RABEP1: variants seen among roughly 807,000 people sequenced by gnomAD.
The protein encoded by RABEP1 is rab GTPase-binding effector protein 1.
Under a neutral mutation model 123.4 loss-of-function variants are expected in RABEP1, and 51 were observed. That is an observed-to-expected ratio of 0.41 (90% CI 0.33 to 0.52). The LOEUF (loss-of-function observed/expected upper bound fraction) is 0.52, where lower values mean the gene tolerates loss of function less well. Ranked by LOEUF, RABEP1 falls within the 20% of genes least tolerant of loss-of-function variation. The pLI is 0.16. For synonymous variants in RABEP1, 347 were observed against 355.2 expected (o/e 0.98, Z 0.26); for missense variants, 888 against 996.3 (o/e 0.89, Z 1.46).
intron 13 of RABEP1, 54 bp from the exon 14 acceptor site, chr17:5,377,062 C>T: frequency 6.6e-7 from 1 of 1,507,242 alleles, no homozygotes; most frequent in East Asian, 2.4e-5. Flanking sequence ...TCTTTAGCTT[C>T]TTTATTTCCT....
At chr17:5,314,366 C>G (rs2075275231) in intron 2 of RABEP1, among the ~76,000 whole-genome samples, 1 of 150,436 alleles carries the variant, frequency 6.6e-6, no homozygotes, top group Admixed American at 6.7e-5. Context: ...CCTTAGCCTC[C>G]TAAGTAGCTG....
intron 8 of RABEP1, among the ~76,000 whole-genome samples, chr17:5,359,821 A>G (rs910782403): frequency 6.6e-6 from 1 of 152,236 alleles, no homozygotes; most frequent in African/African-American, 2.4e-5. Context: ...ATTTAAATGG[A>G]ATAAATTTAG....
intron 17 of RABEP1, among the ~76,000 whole-genome samples, chr17:5,382,614 T>C (rs1269037573): frequency 3.3e-5 from 5 of 151,872 alleles, no homozygotes; most frequent in Non-Finnish European, 5.9e-5. Flanking sequence ...TAGCCGGGCA[T>C]GGTGGCGTGT....
chr17:5,344,149 T>C (rs1907864268), intron 5 of RABEP1, among the ~76,000 whole-genome samples: 1 of 152,096 alleles, frequency 6.6e-6, no homozygotes, highest in South Asian at 2.1e-4. Flanking sequence ...AATATTAATA[T>C]CCAAAATAAT....
At chr17:5,338,581 TAAATTTAAATGCAAA>T (rs1401499726) in intron 5 of RABEP1, among the ~76,000 whole-genome samples, 4 of 152,142 alleles carry the variant, frequency 2.6e-5, no homozygotes, top group Non-Finnish European at 5.9e-5. Context: ...TAATAAAAAA[TAAATTTAAATGCAAA>T]AAACTGCTTT....
chr17:5,380,915 G>A (rs538617472), intron 16 of RABEP1, among the ~76,000 whole-genome samples: 1 of 152,226 alleles, frequency 6.6e-6, no homozygotes, highest in Non-Finnish European at 1.5e-5. Context: ...TGAAAGTGCA[G>A]ACAGTGTTGC....
At chr17:5,337,355 T>C (rs1402013258) in intron 4 of RABEP1, among the ~76,000 whole-genome samples, 1 of 152,190 alleles carries the variant, frequency 6.6e-6, no homozygotes, top group Non-Finnish European at 1.5e-5. Flanking sequence ...TAAGAAATTA[T>C]TGTCTCATGA....
In RABEP1 at chr17:5,372,759, A is replaced by AT. The variant is rs56024470; in HGVS notation, c.1885-540dup. Among the ~76,000 whole-genome samples, 539 of 146,568 alleles carry AT rather than the reference A, an allele frequency of 3.7e-3. 2 individuals are homozygous for AT. Among genetic ancestry groups the AT allele is most frequent in the Middle Eastern group, 7.0e-3 (2 of 286 alleles). On this transcript the variant is annotated intron_variant, in intron 12 of 17. Coordinates refer to ENST00000537505, the MANE Select transcript of RABEP1 (RefSeq NM_004703.6). ...ACAGGGATATGGAGGGAAAATATTA[A>AT]TTTTTTTTTTTTTTTGAGATGGAGT...
At chr17:5,310,917 C>G (rs1331543939) in intron 2 of RABEP1, among the ~76,000 whole-genome samples, 2 of 151,122 alleles carry the variant, frequency 1.3e-5, no homozygotes, top group African/African-American at 4.9e-5. Context: ...TCAAGCGACT[C>G]TTGTGCCTTA....
intron 1 of RABEP1, among the ~76,000 whole-genome samples, chr17:5,292,745 G>A (rs1236474508): frequency 1.3e-5 from 2 of 152,080 alleles, no homozygotes; most frequent in Non-Finnish European, 2.9e-5. Flanking sequence ...GGCATGGTGC[G>A]ATCTTGCCCG....
intron 6 of RABEP1, among the ~76,000 whole-genome samples, chr17:5,349,879 A>G (rs933120835): frequency 2.6e-5 from 4 of 152,196 alleles, no homozygotes; most frequent in African/African-American, 9.6e-5. Flanking sequence ...AATAACAATA[A>G]TAATAAATTT....
intron 2 of RABEP1, among the ~76,000 whole-genome samples, chr17:5,314,676 G>A (rs1464437731): frequency 2.0e-5 from 3 of 151,932 alleles, no homozygotes; most frequent in African/African-American, 4.8e-5. Flanking sequence ...CCGCCACCAC[G>A]CCTGGCTAAT....
intron 1 of RABEP1, among the ~76,000 whole-genome samples, chr17:5,301,355 G>A (rs901883063): frequency 2.0e-5 from 3 of 152,106 alleles, no homozygotes; most frequent in African/African-American, 7.2e-5. Context: ...GGAGATTGGG[G>A]ATTTGTATTT....
In RABEP1 at chr17:5,385,776, G is replaced by C. The variant is rs1911907325; in HGVS notation, c.*2553G>C. 1 of 234,734 alleles carries C rather than the reference G, an allele frequency of 4.3e-6. No homozygotes were observed. Among genetic ancestry groups the C allele is most frequent in the South Asian group, 1.8e-4 (1 of 5,562 alleles). 14.5% of individuals were successfully genotyped at this position (234,734 alleles called of 1,614,324 possible). A position where few individuals can be genotyped will look rare whatever the true frequency, so the allele number is the denominator to read the frequency against. ...TGTACTGAAGGTGTGTCCTCAAGAA[G>C]AAAGTGTTCAAATTAAAAAAGCTGC... On this transcript the variant is annotated 3_prime_UTR_variant, in exon 18 of 18. Coordinates refer to ENST00000537505, the MANE Select transcript of RABEP1 (RefSeq NM_004703.6).
At chr17:5,291,891 C>T (rs562566351) in intron 1 of RABEP1, among the ~76,000 whole-genome samples, 1 of 152,236 alleles carries the variant, frequency 6.6e-6, no homozygotes. Flanking sequence ...GGGGAAAGAG[C>T]GATACTCTGT....
chr17:5,338,287 C>T (rs1456102467), intron 5 of RABEP1, 149 bp downstream of exon 5: 16 of 1,026,360 alleles, frequency 1.6e-5, no homozygotes, highest in East Asian at 6.7e-5. Flanking sequence ...AACTGCCGGG[C>T]GAGGTGGCTC....
intron 1 of RABEP1, among the ~76,000 whole-genome samples, chr17:5,308,382 C>T (rs1431296269): frequency 6.6e-6 from 1 of 152,108 alleles, no homozygotes; most frequent in Admixed American, 6.6e-5. Context: ...CCTGCCACTA[C>T]ACCTGGCTAA....
chr17:5,374,334 C>T (rs191641138), intron 13 of RABEP1, among the ~76,000 whole-genome samples: 73 of 152,080 alleles, frequency 4.8e-4, no homozygotes, highest in Non-Finnish European at 8.2e-4. Flanking sequence ...AAAGATGGCA[C>T]TTTTGGTCAC....
At position 5,383,556 on chromosome 17, in the gene RABEP1, C is replaced by T. The variant is rs3026117; in HGVS notation, c.*333C>T. ...CGGAACACATTTCCCTACCCTAAAGCGACATCCCAGTAGTGTTTGGAATTT... is the reference window on the plus strand; with the variant it reads ...CGGAACACATTTCCCTACCCTAAAGTGACATCCCAGTAGTGTTTGGAATTT... On this transcript the variant is annotated 3_prime_UTR_variant, in exon 18 of 18. Coordinates refer to ENST00000537505, the MANE Select transcript of RABEP1 (RefSeq NM_004703.6). The T allele has an allele frequency of 1.7e-4, 57 of 345,076 alleles. No homozygotes were observed. Among genetic ancestry groups the T allele is most frequent in the African/African-American group, 8.2e-4 (40 of 48,856 alleles). The allele number at this position is 345,076 out of a possible 1,614,324, so 21.4% of individuals were successfully genotyped here. A position where few individuals can be genotyped will look rare whatever the true frequency, so the allele number is the denominator to read the frequency against.
Sources: gnomAD v4.1 joint callset for allele counts (sites outside exome capture counted in the v4.1 genomes callset) on GRCh38, gnomAD v4.1.1 for gene constraint, MANE v1.5 for transcripts, NCBI Gene and HGNC (gene_info 2026-07-23, HGNC 2026-07-21) for gene names.